The following PIN4 variants were observed in gnomAD, a reference collection of about 807,000 sequenced individuals.
The protein encoded by PIN4 is peptidyl-prolyl cis-trans isomerase NIMA-interacting 4.
A neutral mutation model predicts 8.3 loss-of-function variants in PIN4; 3 were observed. The ratio of observed to expected loss-of-function variants is 0.36; its 90% confidence interval spans 0.16 to 0.93. PIN4 has a LOEUF of 0.93. Among genes scored for constraint, PIN4 ranks in the 40% least tolerant of loss-of-function variants. The probability of loss-of-function intolerance (pLI) is 0.44; values close to 1 mark genes in which losing one functional copy is unlikely to be tolerated. For synonymous variants in PIN4, 18 were observed against 32.5 expected, an observed-to-expected ratio of 0.55 and a Z score of 1.52; for missense variants, 75 against 100.6, an observed-to-expected ratio of 0.75 and a Z score of 1.09.
intron 2 of PIN4, among the ~76,000 whole-genome samples, chrX:72,196,528 C>G (rs1378888742): frequency 1.3e-5 from 1 of 78,777 alleles, no homozygotes; most frequent in African/African-American, 6.4e-5. Flanking sequence ...AGCAAGACTC[C>G]TTCTCAAAAA....
At chrX:72,186,188 C>G (rs2042701711) in intron 1 of PIN4, 2 of 362,751 alleles carry the variant, frequency 5.5e-6, no homozygotes, top group Non-Finnish European at 9.8e-6. Context: ...TGCAAACTTT[C>G]TTAAAACATT....
intron 3 of PIN4, among the ~76,000 whole-genome samples, chrX:72,247,122 G>A (rs987733235): frequency 9.0e-6 from 1 of 111,684 alleles, no homozygotes; most frequent in African/African-American, 3.3e-5. Context: ...GACATAATGA[G>A]GACCAGAAAT....
chrX:72,242,321 G>C (rs1242454187), intron 3 of PIN4, among the ~76,000 whole-genome samples: 1 of 111,732 alleles, frequency 8.9e-6, no homozygotes, highest in East Asian at 2.8e-4. Flanking sequence ...CACAGCTGTA[G>C]GGCTCCTCCT....
At chrX:72,207,452 C>G in intron 3 of PIN4, 2 of 1,210,965 alleles carry the variant, frequency 1.7e-6, no homozygotes, top group Non-Finnish European at 2.2e-6. Flanking sequence ...GGGGAATCTT[C>G]CCCCTCATTT....
At chrX:72,224,655 G>T (rs2042944328) in intron 3 of PIN4, among the ~76,000 whole-genome samples, 1 of 111,378 alleles carries the variant, frequency 9.0e-6, no homozygotes, top group Admixed American at 9.6e-5. Context: ...TGAGGCAAGA[G>T]AATTGCTTGA....
At chrX:72,197,153 C>T (rs2042770960) in intron 3 of PIN4, 13 of 441,380 alleles carry the variant, frequency 2.9e-5, no homozygotes, top group South Asian at 9.2e-5. Flanking sequence ...CAAACTTGCA[C>T]GGCTAACTTC....
At chrX:72,205,067 G>C in intron 3 of PIN4, 37 of 1,210,319 alleles carry the variant, frequency 3.1e-5, no homozygotes, top group Non-Finnish European at 4.0e-5. Flanking sequence ...ATAACTTCAG[G>C]ATCTGCACTT....
In PIN4 at chrX:72,181,917, A is replaced by G. The variant is rs768884866; in HGVS notation, c.43+89A>G. 5.4e-5 allele frequency: 32 copies of G among 588,099 alleles called. No individual in the cohort carries two copies. The Admixed American group carries it at 8.3e-4, about 15-fold the overall frequency. The allele number at this position is 588,099 out of a possible 1,213,427, so 48.5% of individuals were successfully genotyped here. A position where few individuals can be genotyped will look rare whatever the true frequency, so the allele number is the denominator to read the frequency against. On this transcript the variant is annotated intron_variant, in intron 1 of 3. Transcript: ENST00000373669. ...AGTCCATCTCCGGAGTCCGGGACGG[A>G]CGCAGCAGGTAGCCAGTGGCCCCAC...
intron 3 of PIN4, 82 bp downstream of exon 3, chrX:72,196,986 A>C (rs1451949585): frequency 1.9e-5 from 16 of 861,129 alleles, no homozygotes; most frequent in Non-Finnish European, 2.2e-5. Flanking sequence ...TAAGATAAAA[A>C]TTCTCCATCC....
chrX:72,212,739 G>A (rs1000749566), intron 3 of PIN4, among the ~76,000 whole-genome samples: 1 of 111,951 alleles, frequency 8.9e-6, no homozygotes, highest in East Asian at 2.8e-4. Context: ...CCAGGAGTTT[G>A]AGACTAGCCT....
chrX:72,182,302 G>T (rs1329918833), intron 1 of PIN4, among the ~76,000 whole-genome samples: 2 of 111,791 alleles, frequency 1.8e-5, no homozygotes, highest in South Asian at 3.7e-4. Flanking sequence ...AGCACTTTGG[G>T]AGGCCGAGGG....
intron 3 of PIN4, among the ~76,000 whole-genome samples, chrX:72,236,876 A>G (rs960057770): frequency 1.8e-5 from 2 of 112,374 alleles, no homozygotes; most frequent in African/African-American, 6.5e-5. Flanking sequence ...ATACACACGC[A>G]CACACATCTT....
intron 3 of PIN4, among the ~76,000 whole-genome samples, chrX:72,254,213 C>CAACCA (rs1162087765): frequency 1.8e-5 from 2 of 111,520 alleles, no homozygotes; most frequent in Admixed American, 9.5e-5. Flanking sequence ...GTTCTTTGAA[C>CAACCA]AACCATGCCC....
downstream of PIN4, among the ~76,000 whole-genome samples, chrX:72,200,059 G>A (rs1026039038): frequency 1.6e-4 from 18 of 109,456 alleles, no homozygotes; most frequent in African/African-American, 5.7e-4. Flanking sequence ...CCAACTACTC[G>A]GGAGGCTGAG....
chrX:72,182,705 C>T (rs1329938052), intron 1 of PIN4, among the ~76,000 whole-genome samples: 3 of 111,234 alleles, frequency 2.7e-5, no homozygotes, highest in Non-Finnish European at 5.7e-5. Context: ...GAACAGGGAA[C>T]GGAAGACTTC....
intron 3 of PIN4, among the ~76,000 whole-genome samples, chrX:72,245,452 G>A (rs2043064561): frequency 8.9e-6 from 1 of 111,908 alleles, no homozygotes; most frequent in African/African-American, 3.3e-5. Flanking sequence ...TTACAGGTGT[G>A]AGCCACCAAG....
chrX:72,184,415 C>G (rs1010554844), intron 1 of PIN4, among the ~76,000 whole-genome samples: 6 of 111,481 alleles, frequency 5.4e-5, no homozygotes, highest in Non-Finnish European at 5.7e-5. Context: ...CATCGTGTGC[C>G]CCCGGGGCAG....
At chrX:72,247,140 G>A (rs2043069973) in intron 3 of PIN4, among the ~76,000 whole-genome samples, 1 of 111,735 alleles carries the variant, frequency 8.9e-6, no homozygotes, top group Non-Finnish European at 1.9e-5. Flanking sequence ...AATCAGGGAA[G>A]TGGGGAGGGC....
chrX:72,182,478 A>T (rs923807068), intron 1 of PIN4, among the ~76,000 whole-genome samples: 1 of 109,810 alleles, frequency 9.1e-6, no homozygotes, highest in East Asian at 2.9e-4. Flanking sequence ...CGGGAGGCAG[A>T]GGTTGCAATG....
Sources: allele counts gnomAD v4.1 joint callset (sites outside exome capture counted in the v4.1 genomes callset), GRCh38; gene constraint gnomAD v4.1.1; transcripts MANE v1.5; gene names NCBI Gene and HGNC (gene_info 2026-07-23, HGNC 2026-07-21).